CDK8: variants seen among roughly 807,000 people sequenced by gnomAD.
CDK8 encodes cyclin dependent kinase 8, also known as cyclin-dependent kinase 8.
Under a neutral mutation model 71.5 loss-of-function variants are expected in CDK8, and 29 were observed. The observed-to-expected ratio is 0.41, with a 90% CI of 0.30 to 0.55. The LOEUF is 0.55. CDK8 is among the 20% of genes least tolerant of loss of function. The pLI is 0.37. For missense variants in CDK8, 288 were observed against 572.6 expected, an observed-to-expected ratio of 0.50 and a Z score of 5.07; for synonymous variants, 161 against 192.1, an observed-to-expected ratio of 0.84 and a Z score of 1.34.
At chr13:26,392,273 G>C (rs1875781559) in intron 6 of CDK8, among the ~76,000 whole-genome samples, 1 of 150,640 alleles carries the variant, frequency 6.6e-6, no homozygotes, top group South Asian at 2.1e-4. Context: ...GTTGTGTACA[G>C]AGAAACCCAT....
chr13:26,351,560 A>G (rs746635278), intron 3 of CDK8, among the ~76,000 whole-genome samples: 4 of 152,200 alleles, frequency 2.6e-5, no homozygotes, highest in Non-Finnish European at 4.4e-5. Flanking sequence ...AGAAGATAGT[A>G]TAATATTTCA....
At chr13:26,377,120 A>T (rs546972932) in intron 4 of CDK8, among the ~76,000 whole-genome samples, 144 of 152,396 alleles carry the variant, frequency 9.4e-4, no homozygotes, top group Non-Finnish European at 1.8e-3. Context: ...GGACTTCTTA[A>T]GTAAGTCAGA....
chr13:26,281,660 T>C (rs890174379), intron 1 of CDK8, among the ~76,000 whole-genome samples: 2 of 103,738 alleles, frequency 1.9e-5, no homozygotes, highest in African/African-American at 1.6e-4. Context: ...AATTGCGAAA[T>C]AAATAACTCA....
At chr13:26,267,169 A>G (rs1481658430) in intron 1 of CDK8, among the ~76,000 whole-genome samples, 1 of 145,812 alleles carries the variant, frequency 6.9e-6, no homozygotes. Flanking sequence ...TATGTAGTCA[A>G]CCAGTTTTTA....
chr13:26,393,340 C>CTT (rs376033714), intron 6 of CDK8, 27 bp from the exon 7 acceptor site: 180 of 1,113,318 alleles, frequency 1.6e-4, no homozygotes, highest in African/African-American at 4.0e-4. Flanking sequence ...ATTTTTCTTT[C>CTT]TTTTTTTTTT....
At chr13:26,353,603 T>C in intron 3 of CDK8, 137 bp from the exon 4 acceptor site, 1 of 693,680 alleles carries the variant, frequency 1.4e-6, no homozygotes, top group Non-Finnish European at 2.3e-6. Context: ...GTTTATGTTA[T>C]TCAGCAGAGT....
chr13:26,321,617 G>T (rs561581413), intron 1 of CDK8, among the ~76,000 whole-genome samples: 3 of 152,176 alleles, frequency 2.0e-5, no homozygotes, highest in East Asian at 3.9e-4. Flanking sequence ...ATATAACTAT[G>T]ATATTTTTTC....
At chr13:26,266,077 A>G (rs1172988966) in intron 1 of CDK8, among the ~76,000 whole-genome samples, 3 of 145,864 alleles carry the variant, frequency 2.1e-5, no homozygotes, top group Non-Finnish European at 4.4e-5. Flanking sequence ...ACCAAGGATG[A>G]TGCCCAGGTT....
At chr13:26,399,944 C>T (rs565408666) in intron 9 of CDK8, 1 of 157,492 alleles carries the variant, frequency 6.3e-6, no homozygotes, top group Non-Finnish European at 1.4e-5. Context: ...CTGCACAGTA[C>T]CACTTTCTGT....
chr13:26,313,008 G>T (rs1092573), intron 1 of CDK8, among the ~76,000 whole-genome samples: 142,695 of 152,288 alleles, frequency 0.94, 66,895 homozygotes, highest in East Asian at 0.99. Flanking sequence ...GTTATATCAA[G>T]CTCATTTTCT....
intron 4 of CDK8, among the ~76,000 whole-genome samples, chr13:26,375,917 G>A (rs1403219810): frequency 6.6e-6 from 1 of 152,198 alleles, no homozygotes; most frequent in African/African-American, 2.4e-5. Context: ...GGGCTTTGGG[G>A]GATGGGCGAG....
chr13:26,338,897 A>G (rs1188682909), intron 2 of CDK8, among the ~76,000 whole-genome samples: 5 of 152,100 alleles, frequency 3.3e-5, no homozygotes, highest in African/African-American at 7.2e-5. Context: ...CACGGGTTAT[A>G]TATGTGAAAA....
intron 1 of CDK8, among the ~76,000 whole-genome samples, chr13:26,265,895 A>G (rs553046945): frequency 9.2e-5 from 14 of 152,290 alleles, no homozygotes; most frequent in Admixed American, 1.3e-4. Flanking sequence ...ATTTAAAAAG[A>G]TTGCTTGGTA....
At chr13:26,348,080 A>G (rs1024735278) in intron 2 of CDK8, among the ~76,000 whole-genome samples, 1 of 151,934 alleles carries the variant, frequency 6.6e-6, no homozygotes, top group Non-Finnish European at 1.5e-5. Flanking sequence ...ATATCTATAT[A>G]TATATCTATA....
chr13:26,304,844 A>C (rs868127744), intron 1 of CDK8, among the ~76,000 whole-genome samples: 1 of 151,400 alleles, frequency 6.6e-6, no homozygotes, highest in Non-Finnish European at 1.5e-5. Context: ...AATTATTATT[A>C]TTTTATAGAG....
At chr13:26,342,929 T>C (rs1316763792) in intron 2 of CDK8, among the ~76,000 whole-genome samples, 1 of 152,142 alleles carries the variant, frequency 6.6e-6, no homozygotes, top group Non-Finnish European at 1.5e-5. Context: ...CTGAGGCCTC[T>C]TTCTTTGGCT....
chr13:26,311,674 A>G (rs1874289210), intron 1 of CDK8, among the ~76,000 whole-genome samples: 1 of 152,162 alleles, frequency 6.6e-6, no homozygotes, highest in Non-Finnish European at 1.5e-5. Context: ...TGAGGAAGTA[A>G]GCCTCCCGCT....
At chr13:26,403,912 C>T in intron 12 of CDK8, 44 bp from the exon 13 acceptor site, 2 of 1,601,306 alleles carry the variant, frequency 1.2e-6, no homozygotes, top group Non-Finnish European at 1.7e-6. Flanking sequence ...TTGAGCTTCC[C>T]CTAGAAGCAC....
At chr13:26,373,970 A>G (rs1260171757) in intron 4 of CDK8, among the ~76,000 whole-genome samples, 6 of 148,424 alleles carry the variant, frequency 4.0e-5, no homozygotes, top group Admixed American at 3.4e-4. Context: ...TCACGAGGTC[A>G]GGAGATTGAG....
Sources: gnomAD v4.1 joint callset for allele counts (sites outside exome capture counted in the v4.1 genomes callset) on GRCh38, gnomAD v4.1.1 for gene constraint, MANE v1.5 for transcripts, NCBI Gene and HGNC (gene_info 2026-07-23, HGNC 2026-07-21) for gene names.